EEFSEC: variants seen among roughly 807,000 people sequenced by gnomAD.
EEFSEC encodes the protein eukaryotic elongation factor, selenocysteine-tRNA specific.
A neutral mutation model predicts 42.1 loss-of-function variants in EEFSEC; 43 were observed. The ratio of observed to expected loss-of-function variants is 1.02; its 90% CI spans 0.80 to 1.32. EEFSEC has a LOEUF of 1.32. Among genes scored for constraint, EEFSEC ranks in the 40% most tolerant of loss-of-function variants. The pLI is 0.00. For synonymous variants in EEFSEC, 354 were observed against 339.1 expected, an observed-to-expected ratio of 1.04 and a Z score of -0.48; for missense variants, 745 against 803.6, an observed-to-expected ratio of 0.93 and a Z score of 0.88.
At chr3:128,201,920 G>A (rs1223349129) in intron 1 of EEFSEC, among the ~76,000 whole-genome samples, 1 of 152,058 alleles carries the variant, frequency 6.6e-6, no homozygotes, top group African/African-American at 2.4e-5. Context: ...TTTTCCGTAT[G>A]GCTATTCATT....
chr3:128,287,527 C>T (rs745610986), intron 4 of EEFSEC, among the ~76,000 whole-genome samples: 3 of 152,208 alleles, frequency 2.0e-5, no homozygotes, highest in Non-Finnish European at 4.4e-5. Context: ...GCAAGGCTAG[C>T]TGTAGACAAA....
chr3:128,313,703 TC>T (rs1289921870), intron 4 of EEFSEC, among the ~76,000 whole-genome samples: 2 of 152,232 alleles, frequency 1.3e-5, no homozygotes, highest in African/African-American at 4.8e-5. Flanking sequence ...AGAGAACTGT[TC>T]CCGGGCTCTC....
intron 1 of EEFSEC, among the ~76,000 whole-genome samples, chr3:128,159,462 C>G (rs1398643905): frequency 6.6e-6 from 1 of 152,244 alleles, no homozygotes; most frequent in Non-Finnish European, 1.5e-5. Context: ...ATTCTCTGCA[C>G]AGTGGGCATT....
chr3:128,337,308 A>C (rs568876059), intron 4 of EEFSEC, among the ~76,000 whole-genome samples: 1 of 152,254 alleles, frequency 6.6e-6, no homozygotes, highest in African/African-American at 2.4e-5. Flanking sequence ...TGATTTGCAC[A>C]GTTATTTATC....
At chr3:128,336,735 G>C (rs140109177) in intron 4 of EEFSEC, among the ~76,000 whole-genome samples, 25 of 152,290 alleles carry the variant, frequency 1.6e-4, no homozygotes, top group African/African-American at 6.0e-4. Flanking sequence ...CCAGTTGTTC[G>C]CTCTCATACA....
intron 2 of EEFSEC, among the ~76,000 whole-genome samples, chr3:128,257,059 T>C (rs1223362221): frequency 6.6e-6 from 1 of 152,204 alleles, no homozygotes; most frequent in Non-Finnish European, 1.5e-5. Flanking sequence ...ATTTATGTTT[T>C]TGAAAGCTCT....
intron 1 of EEFSEC, among the ~76,000 whole-genome samples, chr3:128,193,487 C>G (rs2065548893): frequency 6.6e-6 from 1 of 152,216 alleles, no homozygotes; most frequent in Admixed American, 6.5e-5. Context: ...TTTCTGCATT[C>G]ATTCATTTAT....
chr3:128,167,678 G>A (rs1003782162), intron 1 of EEFSEC, among the ~76,000 whole-genome samples: 2 of 152,252 alleles, frequency 1.3e-5, no homozygotes, highest in African/African-American at 4.8e-5. Flanking sequence ...GCAGCTCACC[G>A]CACACAGTGA....
intron 1 of EEFSEC, among the ~76,000 whole-genome samples, chr3:128,235,315 C>G (rs556944817): frequency 2.6e-5 from 4 of 152,048 alleles, no homozygotes; most frequent in Non-Finnish European, 5.9e-5. Context: ...GCAATCCCCC[C>G]ACCTCGGCCT....
chr3:128,230,286 C>T (rs1332217371), intron 1 of EEFSEC, among the ~76,000 whole-genome samples: 1 of 152,180 alleles, frequency 6.6e-6, no homozygotes, highest in Non-Finnish European at 1.5e-5. Context: ...GCCAGGACTA[C>T]AGGCATGTGC....
At chr3:128,236,359 A>G (rs2066010576) in intron 1 of EEFSEC, among the ~76,000 whole-genome samples, 1 of 152,096 alleles carries the variant, frequency 6.6e-6, no homozygotes, top group South Asian at 2.1e-4. Context: ...TTTGAATTCT[A>G]GCTCCCTATC....
At chr3:128,345,789 G>A (rs755048606) in intron 5 of EEFSEC, among the ~76,000 whole-genome samples, 7 of 152,208 alleles carry the variant, frequency 4.6e-5, no homozygotes, top group Non-Finnish European at 1.0e-4. Context: ...AGCACTTTCC[G>A]CCAGGGGGGC....
intron 4 of EEFSEC, among the ~76,000 whole-genome samples, chr3:128,296,201 CCTAAAAGCTCTTCTCTTG>C (rs2066704542): frequency 1.3e-5 from 2 of 152,080 alleles, no homozygotes; most frequent in Admixed American, 6.5e-5. Flanking sequence ...GTTGGAATAC[CCTAAAAGCTCTTCTCTTG>C]GAAAACGTAA....
intron 2 of EEFSEC, among the ~76,000 whole-genome samples, chr3:128,247,999 G>C (rs2107900909): frequency 6.6e-6 from 1 of 152,310 alleles, no homozygotes; most frequent in Non-Finnish European, 1.5e-5. Flanking sequence ...ACCTAGAAGG[G>C]CAGGGGTGCG....
chr3:128,276,619 G>T (rs1309524282), intron 4 of EEFSEC, among the ~76,000 whole-genome samples: 2 of 152,212 alleles, frequency 1.3e-5, no homozygotes, highest in Non-Finnish European at 2.9e-5. Flanking sequence ...ATAGTCTTGA[G>T]CACCTACTAT....
chr3:128,422,938 C>G, the EEFSEC span, among the ~76,000 whole-genome samples: 30 of 152,346 alleles, frequency 2.0e-4, no homozygotes, highest in African/African-American at 6.3e-4. Flanking sequence ...ACTAGCCCTC[C>G]CAGAGGTCAT....
intron 1 of EEFSEC, among the ~76,000 whole-genome samples, chr3:128,227,552 G>A (rs138346029): frequency 6.6e-6 from 1 of 152,278 alleles, no homozygotes; most frequent in Non-Finnish European, 1.5e-5. Flanking sequence ...TGTGGCTTGG[G>A]GACCCATTTC....
At chr3:128,158,444 A>G (rs1233300278) in intron 1 of EEFSEC, among the ~76,000 whole-genome samples, 4 of 152,212 alleles carry the variant, frequency 2.6e-5, no homozygotes, top group African/African-American at 9.6e-5. Context: ...AGGAAGAGTC[A>G]CCTGATGTGG....
rs373957512 is a variant in EEFSEC at position 128,398,334 on chromosome 3, C to T, written c.1601-9735C>T. Reference sequence around the variant, plus strand: ...GACAAGTGTCATGGGTTCCCCAGGCCGAGGGAGCGCCAGTCCCGAGGCTGG... The same window carrying T: ...GACAAGTGTCATGGGTTCCCCAGGCTGAGGGAGCGCCAGTCCCGAGGCTGG... On this transcript the variant is annotated intron_variant, in intron 6 of 6. Transcript: ENST00000254730. Among the ~76,000 whole-genome samples, 149 of 152,194 alleles carry T rather than the reference C, an allele frequency of 9.8e-4. 1 individual carries two copies. Among genetic ancestry groups the T allele is most frequent in the African/African-American group, 3.4e-3 (143 of 41,516 alleles).
Sources: gnomAD v4.1 joint callset for allele counts (sites outside exome capture counted in the v4.1 genomes callset) on GRCh38, gnomAD v4.1.1 for gene constraint, MANE v1.5 for transcripts, NCBI Gene and HGNC (gene_info 2026-07-23, HGNC 2026-07-21) for gene names.